The following TMPRSS11A variants were observed in gnomAD, a reference collection of about 807,000 sequenced individuals.
The protein encoded by TMPRSS11A is transmembrane protease serine 11A.
Under a neutral mutation model 58.9 loss-of-function variants are expected in TMPRSS11A, and 53 were observed. The observed-to-expected ratio is 0.90, with a 90% CI of 0.72 to 1.13. The LOEUF is 1.13. TMPRSS11A is among the 50% of genes most tolerant of loss of function. The pLI is 0.00. For synonymous variants in TMPRSS11A, 167 were observed against 169.8 expected, an observed-to-expected ratio of 0.98 and a Z score of 0.13; for missense variants, 493 against 499.3, an observed-to-expected ratio of 0.99 and a Z score of 0.12.
chr4:67,953,927 C>T (rs979005775), intron 1 of TMPRSS11A, among the ~76,000 whole-genome samples: 1 of 152,126 alleles, frequency 6.6e-6, no homozygotes, highest in Admixed American at 6.5e-5. Flanking sequence ...ACAAAGAAAA[C>T]ATTTTCTATT....
intron 1 of TMPRSS11A, among the ~76,000 whole-genome samples, chr4:67,952,764 A>G (rs536505158): frequency 6.6e-6 from 1 of 152,292 alleles, no homozygotes; most frequent in Admixed American, 6.5e-5. Flanking sequence ...TTGATATGTT[A>G]TGTGTACACA....
In TMPRSS11A at chr4:67,914,880, G is replaced by A. The variant is rs1720106670; in HGVS notation, c.953-150C>T. On this transcript the variant is annotated intron_variant, in intron 8 of 9. Coordinates refer to ENST00000508048, the MANE Select transcript of TMPRSS11A (RefSeq NM_001114387.2). ...CAGTTTCTAGAAAAAAGAATTTCTG[G>A]TTAAATCTGGCACATCTAACGATAA... 1.0e-5 allele frequency: 6 copies of A among 574,344 alleles called. No individual in the cohort carries two copies. The South Asian group carries it at 1.9e-4, about 18-fold the overall frequency. 35.6% of individuals were successfully genotyped at this position (574,344 alleles called of 1,614,324 possible). A position where few individuals can be genotyped will look rare whatever the true frequency, so the allele number is the denominator to read the frequency against.
chr4:67,923,972 T>C (rs1170015881), intron 6 of TMPRSS11A, among the ~76,000 whole-genome samples, 156 bp downstream of exon 6: 1 of 148,468 alleles, frequency 6.7e-6, no homozygotes, highest in Admixed American at 6.8e-5. Flanking sequence ...GATCAGTCCA[T>C]GAGTTAGAAA....
chr4:67,930,754 T>TAA (rs202134401), intron 4 of TMPRSS11A, among the ~76,000 whole-genome samples: 25 of 103,674 alleles, frequency 2.4e-4, no homozygotes, highest in East Asian at 7.0e-4. Flanking sequence ...GGTTTTTGTT[T>TAA]AAAAAAAAAA....
intron 1 of TMPRSS11A, among the ~76,000 whole-genome samples, chr4:67,961,215 G>A (rs1272462685): frequency 5.9e-5 from 9 of 152,078 alleles, no homozygotes; most frequent in African/African-American, 2.2e-4. Flanking sequence ...TCTTGTTAAT[G>A]GAGAAGTAAG....
At chr4:67,958,442 G>A (rs1721341998) in intron 1 of TMPRSS11A, among the ~76,000 whole-genome samples, 1 of 152,218 alleles carries the variant, frequency 6.6e-6, no homozygotes, top group African/African-American at 2.4e-5. Flanking sequence ...GATCATTTTG[G>A]AGCTTTAAGA....
chr4:67,931,982 A>T lies in TMPRSS11A; in HGVS notation c.320+11T>A, dbSNP rs779641829. Reference sequence around the variant, plus strand: ...AGTCTTGTGATTCCACCTTTGCCCAAACATACATACGTCAGTCTGACTACT... The same window carrying T: ...AGTCTTGTGATTCCACCTTTGCCCATACATACATACGTCAGTCTGACTACT... On this transcript the variant is annotated intron_variant, in intron 4 of 9. Coordinates refer to ENST00000508048, the MANE Select transcript of TMPRSS11A (RefSeq NM_001114387.2). 6.4e-7 allele frequency: 1 copy of T among 1,569,350 alleles called. No individual in the cohort carries two copies. Among genetic ancestry groups the T allele is most frequent in the East Asian group, 2.2e-5 (1 of 44,676 alleles).
chr4:67,925,327 G>A (rs1173953702), intron 5 of TMPRSS11A, among the ~76,000 whole-genome samples: 1 of 152,128 alleles, frequency 6.6e-6, no homozygotes, highest in Admixed American at 6.6e-5. Flanking sequence ...AAAGTTGGTG[G>A]AAGGTTTCAT....
chr4:67,921,947 G>A (rs950657484), intron 7 of TMPRSS11A, among the ~76,000 whole-genome samples: 1 of 152,124 alleles, frequency 6.6e-6, no homozygotes, highest in South Asian at 2.1e-4. Context: ...AAATGTAATA[G>A]TGATAAAAAT....
At chr4:67,930,151 A>T in intron 4 of TMPRSS11A, 111 bp from the exon 5 acceptor site, 7 of 908,464 alleles carry the variant, frequency 7.7e-6, no homozygotes, top group Non-Finnish European at 1.1e-5. Flanking sequence ...GAGAGTGTCA[A>T]GTGCTGATCC....
At chr4:67,916,553 G>A (rs1347552781) in intron 8 of TMPRSS11A, among the ~76,000 whole-genome samples, 2 of 151,984 alleles carry the variant, frequency 1.3e-5, no homozygotes, top group African/African-American at 2.4e-5. Flanking sequence ...GGCCTGGCGC[G>A]CGGTGGCTCA....
intron 1 of TMPRSS11A, among the ~76,000 whole-genome samples, chr4:67,961,644 G>A (rs1721432775): frequency 6.6e-6 from 1 of 151,002 alleles, no homozygotes; most frequent in African/African-American, 2.4e-5. Context: ...CCAAGTAGCT[G>A]GGCCTACAGG....
chr4:67,947,978 C>T (rs1721066329), intron 1 of TMPRSS11A, among the ~76,000 whole-genome samples: 2 of 152,102 alleles, frequency 1.3e-5, no homozygotes, highest in African/African-American at 4.8e-5. Flanking sequence ...TTCTCTAAAA[C>T]TTGCTATTAT....
At position 67,936,470 on chromosome 4, in the gene TMPRSS11A, A is replaced by G. The variant is rs369906094; in HGVS notation, c.253-4410T>C. On this transcript the variant is annotated intron_variant, in intron 3 of 9. Transcript: ENST00000508048. ...TCTTGGGGTCAAGCCTAACTGCCAC[A>G]TCTTTAAGTGCTGTGTCTATTGGAG... Among the ~76,000 whole-genome samples, 74 of 152,098 alleles carry G rather than the reference A, an allele frequency of 4.9e-4. 1 individual carries two copies. The South Asian group carries it at 0.012, about 26-fold the overall frequency.
chr4:67,924,114 C>A lies in TMPRSS11A; in HGVS notation c.520+14G>T. The A allele has an allele frequency of 9.3e-6, 15 of 1,610,992 alleles. No individual in the cohort carries two copies. Among genetic ancestry groups the A allele is most frequent in the Non-Finnish European group, 1.3e-5 (15 of 1,177,346 alleles). On this transcript the variant is annotated intron_variant, in intron 6 of 9. Transcript: ENST00000508048. ...TGAAAATTGAACTTGTTTATATAAG[C>A]TAACTTGACTTACTTGCTTGGACAG...
chr4:67,958,740 G>A (rs1414487704), intron 1 of TMPRSS11A, among the ~76,000 whole-genome samples: 3 of 152,062 alleles, frequency 2.0e-5, no homozygotes, highest in Admixed American at 6.5e-5. Flanking sequence ...ATTTGGGTGG[G>A]GCCAGGGGCA....
In TMPRSS11A at chr4:67,934,484, A is replaced by T. The variant is rs570884350; in HGVS notation, c.253-2424T>A. ...ATTTAAAGTTGTGTGCCAGGTTGTTATAAATCTATTGTTATCTATACAACC... is the reference window on the plus strand; with the variant it reads ...ATTTAAAGTTGTGTGCCAGGTTGTTTTAAATCTATTGTTATCTATACAACC... On this transcript the variant is annotated intron_variant, in intron 3 of 9. Coordinates refer to ENST00000508048, the MANE Select transcript of TMPRSS11A (RefSeq NM_001114387.2). 3.3e-5 allele frequency among the ~76,000 whole-genome samples: 5 copies of T among 152,316 alleles called. No homozygotes were observed. In the South Asian group the frequency reaches 1.0e-3, roughly 32 times the overall value.
intron 2 of TMPRSS11A, 120 bp downstream of exon 2, chr4:67,946,330 C>G: frequency 1.0e-6 from 1 of 980,234 alleles, no homozygotes; most frequent in South Asian, 2.0e-5. Flanking sequence ...GTTAAATATA[C>G]TCTGTGGAAA....
chr4:67,960,206 T>C (rs1323558510), intron 1 of TMPRSS11A, among the ~76,000 whole-genome samples: 1 of 152,160 alleles, frequency 6.6e-6, no homozygotes, highest in African/African-American at 2.4e-5. Context: ...ATCTACCTAT[T>C]GGGTGCTATG....
Sources: gnomAD v4.1 joint callset for allele counts (sites outside exome capture counted in the v4.1 genomes callset) on GRCh38, gnomAD v4.1.1 for gene constraint, MANE v1.5 for transcripts, NCBI Gene and HGNC (gene_info 2026-07-23, HGNC 2026-07-21) for gene names.